Variants in RBFOX3 observed in about 807,000 individuals in gnomAD.
RBFOX3 encodes RNA binding protein fox-1 homolog 3.
Under a neutral mutation model 48.7 loss-of-function variants are expected in RBFOX3, and 17 were observed. The observed-to-expected ratio is 0.35, with a 90% confidence interval of 0.24 to 0.52. The LOEUF (loss-of-function observed/expected upper bound fraction) is 0.52, where lower values mean the gene tolerates loss of function less well. RBFOX3 is among the 20% of genes least tolerant of loss of function. The pLI is 0.94. For missense variants in RBFOX3, 382 were observed against 497.5 expected, an observed-to-expected ratio of 0.77 and a Z score of 2.21; for synonymous variants, 212 against 209.5, an observed-to-expected ratio of 1.01 and a Z score of -0.10.
At chr17:79,153,285 A>G (rs558071611) in intron 4 of RBFOX3, among the ~76,000 whole-genome samples, 2 of 152,342 alleles carry the variant, frequency 1.3e-5, no homozygotes, top group East Asian at 3.9e-4. Context: ...GCTGGCCAAG[A>G]TGTGCAGAGG....
At chr17:79,246,005 C>A (rs1261147523) in intron 3 of RBFOX3, among the ~76,000 whole-genome samples, 1 of 151,726 alleles carries the variant, frequency 6.6e-6, no homozygotes, top group Non-Finnish European at 1.5e-5. Context: ...GCTTCAGCCA[C>A]GAGCATGTCA....
chr17:79,338,231 G>A (rs34264358), intron 2 of RBFOX3, among the ~76,000 whole-genome samples: 50,523 of 151,988 alleles, frequency 0.33, 9,367 homozygotes, highest in South Asian at 0.45. Flanking sequence ...GAGCCACCGC[G>A]CCTGGCCTTC....
intron 4 of RBFOX3, among the ~76,000 whole-genome samples, chr17:79,197,812 G>A (rs2055955681): frequency 6.6e-6 from 1 of 152,044 alleles, no homozygotes; most frequent in South Asian, 2.1e-4. Context: ...CCTTTGTACA[G>A]CAGAGAGGGA....
chr17:79,283,337 C>T (rs910494550), intron 3 of RBFOX3, among the ~76,000 whole-genome samples: 7 of 146,992 alleles, frequency 4.8e-5, no homozygotes, highest in South Asian at 2.1e-4. Flanking sequence ...AGCGTGATCT[C>T]GGCTCACTGC....
intron 3 of RBFOX3, among the ~76,000 whole-genome samples, chr17:79,273,582 GC>G (rs2068146376): frequency 6.7e-6 from 1 of 149,436 alleles, no homozygotes; most frequent in Non-Finnish European, 1.5e-5. Flanking sequence ...GGGGGCGGGG[GC>G]GGGGTGCTAG....
At chr17:79,663,942 C>T in the RBFOX3 span, among the ~76,000 whole-genome samples, 3 of 152,114 alleles carry the variant, frequency 2.0e-5, no homozygotes, top group Non-Finnish European at 2.9e-5. Flanking sequence ...AGGCGTGAAA[C>T]TTGAAATCCA....
intron 1 of RBFOX3, among the ~76,000 whole-genome samples, chr17:79,608,028 C>T (rs1307595132): frequency 6.6e-6 from 1 of 152,236 alleles, no homozygotes; most frequent in Admixed American, 6.5e-5. Context: ...GGGAGCCCTC[C>T]CCATGTCCTC....
chr17:79,230,736 G>A (rs1458612051), intron 4 of RBFOX3, among the ~76,000 whole-genome samples: 1 of 152,152 alleles, frequency 6.6e-6, no homozygotes, highest in Non-Finnish European at 1.5e-5. Flanking sequence ...GTGTGTCCCA[G>A]GCTCACGAGT....
chr17:79,414,916 G>A (rs944472907), intron 2 of RBFOX3, among the ~76,000 whole-genome samples: 9 of 152,236 alleles, frequency 5.9e-5, no homozygotes, highest in Non-Finnish European at 8.8e-5. Flanking sequence ...CCAGGGCAGC[G>A]GGAGGGGCCG....
At chr17:79,416,540 T>C (rs1555719143) in intron 2 of RBFOX3, among the ~76,000 whole-genome samples, 1 of 152,240 alleles carries the variant, frequency 6.6e-6, no homozygotes. Context: ...GCCCCTGCGA[T>C]GGCGTGACCA....
rs544611551 is a variant in RBFOX3 at position 79,094,813 on chromosome 17, A to AG, written c.999-285dup. Among the ~76,000 whole-genome samples the AG allele has an allele frequency of 2.1e-3, 325 of 151,874 alleles. 5 individuals carry two copies. Among genetic ancestry groups the AG allele is most frequent in the Non-Finnish European group, 2.1e-3 (145 of 67,928 alleles). On this transcript the variant is annotated intron_variant, in intron 13 of 14. Coordinates refer to ENST00000693108, the MANE Select transcript of RBFOX3 (RefSeq NM_001350451.2). ...GTGTGTTCCACTCAGTGCTACGTGG[A>AG]GGGGGATGGTGTCCTCATGGAGCTC...
chr17:79,312,010 T>C (rs977591491), intron 2 of RBFOX3, among the ~76,000 whole-genome samples: 3 of 152,094 alleles, frequency 2.0e-5, no homozygotes, highest in Admixed American at 1.3e-4. Context: ...CCCTCTCCCT[T>C]CTCCTCCCCC....
At chr17:79,282,273 C>T (rs922124352) in intron 3 of RBFOX3, among the ~76,000 whole-genome samples, 3 of 152,226 alleles carry the variant, frequency 2.0e-5, no homozygotes, top group East Asian at 1.9e-4. Context: ...GCAGGGGTAA[C>T]GGAAGGGGTG....
At chr17:79,470,251 CCA>C in intron 2 of RBFOX3, among the ~76,000 whole-genome samples, 1 of 148,350 alleles carries the variant, frequency 6.7e-6, no homozygotes, top group South Asian at 2.1e-4. Context: ...CCCCAGTGGC[CCA>C]CATGTGTGTA....
At chr17:79,537,934 AC>A (rs1489070362) in intron 1 of RBFOX3, among the ~76,000 whole-genome samples, 1 of 151,788 alleles carries the variant, frequency 6.6e-6, no homozygotes, top group Non-Finnish European at 1.5e-5. Flanking sequence ...GCATGTCCAC[AC>A]CCCCCGAGGA....
intron 4 of RBFOX3, among the ~76,000 whole-genome samples, chr17:79,215,703 G>A (rs766503636): frequency 3.9e-5 from 6 of 152,244 alleles, no homozygotes; most frequent in East Asian, 3.9e-4. Flanking sequence ...ATGGCTGGAC[G>A]TAGCCCAGCA....
intron 2 of RBFOX3, among the ~76,000 whole-genome samples, chr17:79,432,555 C>G (rs188160240): frequency 2.4e-4 from 37 of 152,302 alleles, no homozygotes; most frequent in Admixed American, 3.9e-4. Flanking sequence ...AAAAAAAAAT[C>G]TGCCTCATTT....
chr17:79,586,508 G>T (rs1259994434), intron 1 of RBFOX3, among the ~76,000 whole-genome samples: 3 of 152,226 alleles, frequency 2.0e-5, no homozygotes, highest in Non-Finnish European at 4.4e-5. Context: ...TTGTGATGCG[G>T]CAGTCGCTGA....
rs2086506336 is a variant in RBFOX3 at position 79,362,259 on chromosome 17, C to T, written c.-174-54435G>A. 6.6e-6 allele frequency among the ~76,000 whole-genome samples: 1 copy of T among 152,246 alleles called. No homozygotes were observed. The highest frequency in any genetic ancestry group is 1.5e-5 in the Non-Finnish European group (1 of 68,048). Reference sequence around the variant, plus strand: ...CCCAGGTTCTCAGATATTTTCCTGCCTTTGGGAAAATGCATCTGTCTCCCT... The same window carrying T: ...CCCAGGTTCTCAGATATTTTCCTGCTTTTGGGAAAATGCATCTGTCTCCCT... On this transcript the variant is annotated intron_variant, in intron 2 of 14. Coordinates refer to ENST00000693108, the MANE Select transcript of RBFOX3 (RefSeq NM_001350451.2). This position sits in a 1 kb window ranked among gnomAD's most constrained non-coding sequence, Gnocchi z 4.2.
Sources: gnomAD v4.1 joint callset for allele counts (sites outside exome capture counted in the v4.1 genomes callset) on GRCh38, gnomAD v4.1.1 for gene constraint, Gnocchi (gnomAD v3.1) non-coding constraint, MANE v1.5 for transcripts, NCBI Gene and HGNC (gene_info 2026-07-23, HGNC 2026-07-21) for gene names.